The following L3MBTL4 variants were observed in gnomAD, a reference collection of about 807,000 sequenced individuals.
The protein encoded by L3MBTL4 is lethal(3)malignant brain tumor-like protein 4.
A neutral mutation model predicts 84.5 loss-of-function variants in L3MBTL4; 70 were observed. The observed-to-expected ratio is 0.83, with a 90% confidence interval of 0.68 to 1.01. The LOEUF is 1.01. Ranked by LOEUF, L3MBTL4 falls within the 50% of genes least tolerant of loss-of-function variation. The pLI, the probability that L3MBTL4 is intolerant of heterozygous loss-of-function variation, is 0.00. For synonymous variants in L3MBTL4, 274 were observed against 259.8 expected (o/e 1.05, Z -0.52); for missense variants, 715 against 754.8 (o/e 0.95, Z 0.62).
Position 6,297,419 on chromosome 18 carries a change from T to G in L3MBTL4, c.127+4484A>C, listed in dbSNP as rs1165928581. Among the ~76,000 whole-genome samples the G allele has an allele frequency of 2.0e-5, 3 of 152,332 alleles. No individual in the cohort carries two copies. The East Asian group carries it at 5.8e-4, about 29-fold the overall frequency. On this transcript the variant is annotated intron_variant, in intron 4 of 18. Transcript: ENST00000317931. ...AGTGAATAGTGATGTCAATGTTACT[T>G]AGTTCTGACAAATGTTCCATGGTCA... is the stretch of plus-strand genomic sequence containing the variant.
chr18:6,014,665 G>C (rs939504307), intron 16 of L3MBTL4, among the ~76,000 whole-genome samples: 3 of 152,138 alleles, frequency 2.0e-5, no homozygotes, highest in African/African-American at 7.2e-5. Context: ...AGCTCAGAGT[G>C]GGGCAGGAAG....
intron 16 of L3MBTL4, among the ~76,000 whole-genome samples, chr18:6,063,040 G>A (rs2057283331): frequency 6.6e-6 from 1 of 151,738 alleles, no homozygotes; most frequent in Admixed American, 6.6e-5. Flanking sequence ...TTGTGTCTTT[G>A]CATCCTCATA....
At chr18:6,137,032 A>G (rs2060047857) in intron 14 of L3MBTL4, among the ~76,000 whole-genome samples, 1 of 152,152 alleles carries the variant, frequency 6.6e-6, no homozygotes, top group African/African-American at 2.4e-5. Flanking sequence ...CTTTTTAATA[A>G]CATTTCACTC....
chr18:6,006,284 A>G (rs959000497), intron 16 of L3MBTL4, among the ~76,000 whole-genome samples: 3 of 152,228 alleles, frequency 2.0e-5, no homozygotes, highest in Admixed American at 2.0e-4. Context: ...GTTCAAGAAC[A>G]TGAGTTCCGA....
At chr18:6,068,723 C>A (rs1018529153) in intron 16 of L3MBTL4, among the ~76,000 whole-genome samples, 1 of 152,030 alleles carries the variant, frequency 6.6e-6, no homozygotes, top group Non-Finnish European at 1.5e-5. Context: ...GGGAAAAGGA[C>A]CCCCTTTCCA....
chr18:6,189,247 T>C (rs559398254), intron 12 of L3MBTL4, among the ~76,000 whole-genome samples: 2 of 152,346 alleles, frequency 1.3e-5, no homozygotes, highest in Middle Eastern at 6.8e-3. Context: ...ATTGGATTTA[T>C]GACCCACTCA....
chr18:6,039,336 TA>T (rs1452941345), intron 16 of L3MBTL4, among the ~76,000 whole-genome samples: 1 of 152,140 alleles, frequency 6.6e-6, no homozygotes, highest in Admixed American at 6.5e-5. Flanking sequence ...TCTCTGCTTT[TA>T]AAAAGAAAAT....
At chr18:6,100,680 G>A (rs2058794711) in intron 14 of L3MBTL4, among the ~76,000 whole-genome samples, 1 of 152,228 alleles carries the variant, frequency 6.6e-6, no homozygotes, top group South Asian at 2.1e-4. Flanking sequence ...GTTGCCATGT[G>A]GAGGTAAACA....
chr18:6,228,324 G>A (rs1354869868), intron 10 of L3MBTL4, among the ~76,000 whole-genome samples: 4 of 152,062 alleles, frequency 2.6e-5, no homozygotes, highest in Non-Finnish European at 5.9e-5. Context: ...AGAAAATATT[G>A]TGAACTTCTG....
chr18:5,960,246 T>A, intron 17 of L3MBTL4, 90 bp from the exon 18 acceptor site: 1 of 658,030 alleles, frequency 1.5e-6, no homozygotes, highest in Non-Finnish European at 2.6e-6. Flanking sequence ...AAAATATACT[T>A]AAAATCTCTC....
chr18:5,989,928 AG>A (rs2053616082), intron 16 of L3MBTL4, among the ~76,000 whole-genome samples: 1 of 152,204 alleles, frequency 6.6e-6, no homozygotes, highest in Admixed American at 6.5e-5. Flanking sequence ...TGAGAGCGTG[AG>A]GGCACAAGGC....
chr18:6,383,645 G>A (rs1434314625), intron 1 of L3MBTL4, among the ~76,000 whole-genome samples: 1 of 152,174 alleles, frequency 6.6e-6, no homozygotes, highest in East Asian at 1.9e-4. Flanking sequence ...TGCACCCACT[G>A]TCCAACCAAT....
intron 16 of L3MBTL4, among the ~76,000 whole-genome samples, chr18:6,032,955 T>A (rs2055909413): frequency 6.6e-6 from 1 of 152,220 alleles, no homozygotes; most frequent in Non-Finnish European, 1.5e-5. Flanking sequence ...CTATGTTTTG[T>A]CCTGGAGAAT....
intron 13 of L3MBTL4, among the ~76,000 whole-genome samples, chr18:6,144,415 T>C (rs1254051117): frequency 6.6e-6 from 1 of 152,180 alleles, no homozygotes; most frequent in Non-Finnish European, 1.5e-5. Context: ...AGAAATCTTT[T>C]ACTCAGGCAG....
rs192203181 is a variant in L3MBTL4, at chr18:6,397,472, C to G, written c.-91+17329G>C. On this transcript the variant is annotated intron_variant, in intron 1 of 18. Coordinates refer to ENST00000317931, the MANE Select transcript of L3MBTL4 (RefSeq NM_001330559.2). ...AATCTTTATTTCAAATATCACTGTCCGAAGAGCCCAAATTGAAAAATCTCT... is the reference window on the plus strand; with the variant it reads ...AATCTTTATTTCAAATATCACTGTCGGAAGAGCCCAAATTGAAAAATCTCT... 2.6e-5 allele frequency: 4 copies of G among 152,074 alleles called. No homozygotes were observed. The East Asian group carries it at 7.7e-4, about 29-fold the overall frequency. The allele number at this position is 152,074 out of a possible 1,614,324, so 9.4% of individuals were successfully genotyped here. A position where few individuals can be genotyped will look rare whatever the true frequency, so the allele number is the denominator to read the frequency against.
At chr18:6,254,315 A>G (rs1272987789) in intron 5 of L3MBTL4, among the ~76,000 whole-genome samples, 1 of 152,044 alleles carries the variant, frequency 6.6e-6, no homozygotes, top group Non-Finnish European at 1.5e-5. Context: ...GGAAGCCTTC[A>G]GTAAGCAGAA....
At chr18:5,984,142 C>A (rs575407942) in intron 16 of L3MBTL4, among the ~76,000 whole-genome samples, 3 of 152,124 alleles carry the variant, frequency 2.0e-5, no homozygotes, top group Non-Finnish European at 2.9e-5. Context: ...GAACTCCTGA[C>A]CTCAGGTGAT....
At chr18:5,999,416 C>G (rs957082841) in intron 16 of L3MBTL4, among the ~76,000 whole-genome samples, 1 of 152,122 alleles carries the variant, frequency 6.6e-6, no homozygotes, top group African/African-American at 2.4e-5. Flanking sequence ...ACCTTTATGC[C>G]CCCACCAAGG....
At chr18:6,277,349 C>T (rs1052361900) in intron 4 of L3MBTL4, among the ~76,000 whole-genome samples, 5 of 152,080 alleles carry the variant, frequency 3.3e-5, no homozygotes, top group Admixed American at 6.6e-5. Flanking sequence ...TATTTTTACA[C>T]GGAAAAAGGC....
Sources: gnomAD v4.1 joint callset for allele counts (sites outside exome capture counted in the v4.1 genomes callset) on GRCh38, gnomAD v4.1.1 for gene constraint, MANE v1.5 for transcripts, NCBI Gene and HGNC (gene_info 2026-07-23, HGNC 2026-07-21) for gene names.